The following KLF12 variants were observed in gnomAD, a reference collection of about 807,000 sequenced individuals.
The protein encoded by KLF12 is KLF transcription factor 12, also known as Krueppel-like factor 12.
In KLF12, 9 loss-of-function variants were observed where a neutral mutation model predicts 37.8. The observed-to-expected ratio is 0.24, with a 90% CI of 0.14 to 0.42. The LOEUF (loss-of-function observed/expected upper bound fraction) is 0.42. KLF12 is among the 10% of genes least tolerant of loss of function. The probability of loss-of-function intolerance (pLI) is 1.00; values close to 1 mark genes in which losing one functional copy is unlikely to be tolerated. For synonymous variants in KLF12, 208 were observed against 202.1 expected (o/e 1.03, Z -0.25); for missense variants, 411 against 516.0 (o/e 0.80, Z 1.97).
chr13:73,700,175 G>A (rs1874439916), intron 7 of KLF12, among the ~76,000 whole-genome samples: 1 of 152,116 alleles, frequency 6.6e-6, no homozygotes, highest in Admixed American at 6.5e-5. Flanking sequence ...GCTGAGGCAT[G>A]AGAATCACTT....
intron 1 of KLF12, among the ~76,000 whole-genome samples, chr13:74,075,104 T>A (rs1459340103): frequency 2.0e-5 from 3 of 151,782 alleles, no homozygotes; most frequent in Non-Finnish European, 4.4e-5. Context: ...AAGGAAGGAA[T>A]AAAAGGAAAG....
chr13:73,719,024 A>G (rs1876027781), intron 6 of KLF12, among the ~76,000 whole-genome samples: 3 of 152,242 alleles, frequency 2.0e-5, no homozygotes, highest in Admixed American at 6.5e-5. Flanking sequence ...TGGCTTTCAA[A>G]TGACATTCAA....
intron 3 of KLF12, among the ~76,000 whole-genome samples, chr13:73,855,332 C>T (rs547371909): frequency 6.6e-6 from 1 of 152,236 alleles, no homozygotes; most frequent in South Asian, 2.1e-4. Context: ...TAAGTGAGAA[C>T]ACGTGGTATT....
At chr13:73,892,002 G>T (rs927660855) in intron 3 of KLF12, among the ~76,000 whole-genome samples, 1 of 151,380 alleles carries the variant, frequency 6.6e-6, no homozygotes, top group Admixed American at 6.6e-5. Flanking sequence ...TGATTGACTT[G>T]TCTATAGCAT....
At chr13:73,719,341 A>G (rs1241555044) in intron 6 of KLF12, among the ~76,000 whole-genome samples, 4 of 152,000 alleles carry the variant, frequency 2.6e-5, no homozygotes, top group African/African-American at 9.7e-5. Flanking sequence ...GTCTGAACCA[A>G]GTCCATGGCT....
chr13:74,017,892 C>G (rs1250443457), intron 1 of KLF12, among the ~76,000 whole-genome samples: 2 of 152,030 alleles, frequency 1.3e-5, no homozygotes, highest in African/African-American at 2.4e-5. Context: ...TTAGAGCAGA[C>G]AGTTCCAGAG....
At chr13:73,907,393 C>T (rs1320371893) in intron 3 of KLF12, among the ~76,000 whole-genome samples, 1 of 152,168 alleles carries the variant, frequency 6.6e-6, no homozygotes, top group Non-Finnish European at 1.5e-5. Flanking sequence ...TTTAGACTAT[C>T]CTATCCTCTT....
intron 1 of KLF12, among the ~76,000 whole-genome samples, chr13:74,048,249 C>T (rs545736248): frequency 6.6e-5 from 10 of 152,260 alleles, no homozygotes; most frequent in South Asian, 2.1e-4. Flanking sequence ...GGCTGGAATA[C>T]GTCATCTTTA....
At chr13:74,219,616 T>C in the KLF12 span, among the ~76,000 whole-genome samples, 1 of 152,226 alleles carries the variant, frequency 6.6e-6, no homozygotes. Context: ...TAGAAAAAAG[T>C]TTAAAAAATT....
chr13:74,108,826 G>A (rs567615275), intron 1 of KLF12, among the ~76,000 whole-genome samples: 1 of 152,244 alleles, frequency 6.6e-6, no homozygotes, highest in African/African-American at 2.4e-5. Flanking sequence ...AGGAGGAGGG[G>A]GAGGAGGAAG....
At chr13:74,299,141 T>C in the KLF12 span, among the ~76,000 whole-genome samples, 2 of 152,144 alleles carry the variant, frequency 1.3e-5, no homozygotes, top group African/African-American at 4.8e-5. Flanking sequence ...GGCTGACACA[T>C]GTTTTGGGCG....
chr13:74,201,624 T>C, the KLF12 span, among the ~76,000 whole-genome samples: 1 of 152,152 alleles, frequency 6.6e-6, no homozygotes, highest in African/African-American at 2.4e-5. Context: ...TGAATCCTCA[T>C]GATGAACCTG....
upstream of KLF12, among the ~76,000 whole-genome samples, chr13:74,135,730 A>C (rs150955752): frequency 0.011 from 1,745 of 152,156 alleles, 34 homozygotes; most frequent in African/African-American, 0.04. Context: ...CCCGCGTGGG[A>C]AATCGCCAGG....
intron 4 of KLF12, among the ~76,000 whole-genome samples, chr13:73,832,137 T>C (rs1185716846): frequency 6.6e-6 from 1 of 152,248 alleles, no homozygotes; most frequent in Non-Finnish European, 1.5e-5. Context: ...TTGTATCATA[T>C]GCAGTGTCTG....
At chr13:74,274,442 T>C in the KLF12 span, among the ~76,000 whole-genome samples, 1 of 152,338 alleles carries the variant, frequency 6.6e-6, no homozygotes, top group South Asian at 2.1e-4. Flanking sequence ...CACCTGTTCC[T>C]AATTATTTCC....
chr13:74,209,845 A>T, the KLF12 span, among the ~76,000 whole-genome samples: 1 of 152,210 alleles, frequency 6.6e-6, no homozygotes, highest in African/African-American at 2.4e-5. Flanking sequence ...AAGATTTTAC[A>T]CAACTAATAC....
chr13:74,283,830 A>G, the KLF12 span, among the ~76,000 whole-genome samples: 1 of 151,868 alleles, frequency 6.6e-6, no homozygotes, highest in Non-Finnish European at 1.5e-5. Flanking sequence ...GCTTTTGGCA[A>G]AAGTATCATC....
At chr13:73,960,032 A>G (rs186986024) in intron 2 of KLF12, among the ~76,000 whole-genome samples, 8 of 152,304 alleles carry the variant, frequency 5.3e-5, no homozygotes, top group Admixed American at 4.6e-4. Context: ...TCAGGCCTAC[A>G]GGCATCCTGG....
intron 1 of KLF12, among the ~76,000 whole-genome samples, chr13:74,092,189 T>C (rs9543530): frequency 0.94 from 142,563 of 151,220 alleles, 67,726 homozygotes; most frequent in East Asian, 1. Context: ...CCCAGCTATC[T>C]GGGAGGCTGA....
Sources: gnomAD v4.1 joint callset for allele counts (sites outside exome capture counted in the v4.1 genomes callset) on GRCh38, gnomAD v4.1.1 for gene constraint, MANE v1.5 for transcripts, NCBI Gene and HGNC (gene_info 2026-07-23, HGNC 2026-07-21) for gene names.